Variants in MAD2L1 observed in about 807,000 individuals in gnomAD.
MAD2L1 encodes mitotic spindle assembly checkpoint protein MAD2A.
MAD2L1 carries 10 observed loss-of-function variants against 25.9 expected under a neutral mutation model. The ratio of observed to expected loss-of-function variants is 0.39; its 90% CI spans 0.24 to 0.66. The LOEUF (loss-of-function observed/expected upper bound fraction) is 0.66. Among genes scored for constraint, MAD2L1 ranks in the 30% least tolerant of loss-of-function variants. MAD2L1 has a pLI of 0.49. For missense variants in MAD2L1, 180 were observed against 246.4 expected, an observed-to-expected ratio of 0.73 and a Z score of 1.80; for synonymous variants, 81 against 91.8, an observed-to-expected ratio of 0.88 and a Z score of 0.67.
intron 2 of MAD2L1, among the ~76,000 whole-genome samples, chr4:120,064,347 T>C (rs982793303): frequency 3.9e-5 from 6 of 152,190 alleles, no homozygotes; most frequent in Non-Finnish European, 7.3e-5. Flanking sequence ...CAGAGGTCTA[T>C]TCCCACACCA....
intron 3 of MAD2L1, among the ~76,000 whole-genome samples, 200 bp downstream of exon 3, chr4:120,061,775 A>G (rs1040461685): frequency 2.0e-5 from 3 of 152,160 alleles, no homozygotes; most frequent in Admixed American, 6.5e-5. Flanking sequence ...TTAAAATTAT[A>G]TTATATATAC....
At position 120,059,820 on chromosome 4, in the gene MAD2L1, C is replaced by T. The variant is rs777973088; in HGVS notation, c.*298G>A. ...TTTAGGAAAGCATCTAGCTTTATAG[C>T]ACAAGTTTTTCCATCTACAGTTACT... On this transcript the variant is annotated 3_prime_UTR_variant, in exon 5 of 5. Transcript: ENST00000296509. 3.4e-5 allele frequency: 7 copies of T among 203,992 alleles called. No homozygotes were observed. Among genetic ancestry groups the T allele is most frequent in the Non-Finnish European group, 4.9e-5 (5 of 102,308 alleles). The allele number at this position is 203,992 out of a possible 1,614,324, so 12.6% of individuals were successfully genotyped here.
rs553393612 is a variant in MAD2L1, at chr4:120,062,122, T to C, written c.221-27A>G. ...TGCAACATATAAAAAGGAAGGCATC[T>C]TTCTTGGTCCACTGCATCATAAAGT... is the stretch of plus-strand genomic sequence containing the variant. On this transcript the variant is annotated intron_variant, in intron 2 of 4. Coordinates refer to ENST00000296509, the MANE Select transcript of MAD2L1 (RefSeq NM_002358.4). The C allele has an allele frequency of 1.9e-6, 3 of 1,598,264 alleles. No individual in the cohort carries two copies. In the Admixed American group the frequency reaches 5.3e-5, roughly 28 times the overall value.
Position 120,060,069 on chromosome 4 carries a change from G to A in MAD2L1, c.*49C>T. ...TCAACTATAGATGACTTGATTTCAGGAAAACCACATTTCAAAATTACAATT... is the reference window on the plus strand; with the variant it reads ...TCAACTATAGATGACTTGATTTCAGAAAAACCACATTTCAAAATTACAATT... On this transcript the variant is annotated 3_prime_UTR_variant, in exon 5 of 5. Transcript: ENST00000296509. The A allele has an allele frequency of 6.6e-7, 1 of 1,509,716 alleles. No homozygotes were observed. The highest frequency in any genetic ancestry group is 9.0e-7 in the Non-Finnish European group (1 of 1,108,118). The allele number at this position is 1,509,716 out of a possible 1,614,324, so 93.5% of individuals were successfully genotyped here. A position where few individuals can be genotyped will look rare whatever the true frequency, so the allele number is the denominator to read the frequency against.
At chr4:120,065,317 A>T (rs1327238541) in intron 2 of MAD2L1, 1 of 158,594 alleles carries the variant, frequency 6.3e-6, no homozygotes, top group Non-Finnish European at 1.4e-5. Context: ...GAAAATTAAT[A>T]CATTATATTG....
chr4:120,061,860 G>A, intron 3 of MAD2L1, 115 bp downstream of exon 3: 1 of 806,412 alleles, frequency 1.2e-6, no homozygotes. Flanking sequence ...ATATAAATTA[G>A]AAACAAACTA....
At chr4:120,066,586 C>CA in intron 1 of MAD2L1, 76 bp downstream of exon 1, 1 of 1,346,948 alleles carries the variant, frequency 7.4e-7, no homozygotes, top group Non-Finnish European at 1.0e-6. Context: ...TCTCTGGTAT[C>CA]AGAGGCCGAG....
At chr4:120,060,764 A>G (rs1363202419) in intron 4 of MAD2L1, 110 bp downstream of exon 4, 8 of 653,106 alleles carry the variant, frequency 1.2e-5, no homozygotes, top group African/African-American at 5.5e-5. Context: ...TTCAATTTAT[A>G]TTACATAAAT....
At chr4:120,062,470 G>A (rs1425446173) in intron 2 of MAD2L1, among the ~76,000 whole-genome samples, 1 of 152,208 alleles carries the variant, frequency 6.6e-6, no homozygotes, top group East Asian at 1.9e-4. Context: ...GAAAATTTGA[G>A]CCACTCAGGG....
Position 120,066,758 on chromosome 4 carries a change from C to A in MAD2L1, c.-24G>T. 4 of 1,568,622 alleles carry A rather than the reference C, an allele frequency of 2.6e-6. No individual in the cohort carries two copies. Among genetic ancestry groups the A allele is most frequent in the Non-Finnish European group, 3.5e-6 (4 of 1,143,854 alleles). Reference sequence around the variant, plus strand: ...ATGGCCAGGGACACAAACAAAAGCACGCGCTTCCACTCCGCGGACAGCAAC... The same window carrying A: ...ATGGCCAGGGACACAAACAAAAGCAAGCGCTTCCACTCCGCGGACAGCAAC... On this transcript the variant is annotated 5_prime_UTR_variant, in exon 1 of 5. Coordinates refer to ENST00000296509, the MANE Select transcript of MAD2L1 (RefSeq NM_002358.4).
rs1726205486 is a variant in MAD2L1, at chr4:120,060,970, T to C, written c.349A>G (p.Arg117Gly). The change falls in exon 4 of 5, where the codon AGA (arginine) becomes GGA (glycine). Residue 117 changes from arginine to glycine, a missense_variant. Coordinates refer to ENST00000296509, the MANE Select transcript of MAD2L1 (RefSeq NM_002358.4). ...DKTAKDDSAP[R>G]EKSQKAIQDE... ...TGGATAGCTTTCTGAGACTTTTCTC[T>C]GGGTGCACTGTCAAAAAAAAATCAA... is the stretch of plus-strand genomic sequence containing the variant. The C allele has an allele frequency of 2.5e-6, 4 of 1,598,354 alleles. No homozygotes were observed. Among genetic ancestry groups the C allele is most frequent in the Admixed American group, 1.7e-5 (1 of 59,706 alleles).
At chr4:120,062,174 A>G (rs1490602225) in intron 2 of MAD2L1, 79 bp from the exon 3 acceptor site, 11 of 1,348,952 alleles carry the variant, frequency 8.2e-6, no homozygotes, top group Admixed American at 4.7e-5. Flanking sequence ...CCCACTCCCT[A>G]TCCTCAGCAA....
At chr4:120,061,500 A>C (rs1726216450) in intron 3 of MAD2L1, among the ~76,000 whole-genome samples, 1 of 152,210 alleles carries the variant, frequency 6.6e-6, no homozygotes, top group South Asian at 2.1e-4. Flanking sequence ...CTCAGTTTAT[A>C]GAAGAGCATG....
chr4:120,062,590 G>A (rs1264794445), intron 2 of MAD2L1, among the ~76,000 whole-genome samples: 1 of 152,144 alleles, frequency 6.6e-6, no homozygotes, highest in Non-Finnish European at 1.5e-5. Context: ...AGCATATAGA[G>A]GGCTGGAAGC....
In MAD2L1 at chr4:120,058,455, C is replaced by A. The variant is rs1726148080; in HGVS notation, c.*1663G>T. 1 of 151,936 alleles carries A rather than the reference C, an allele frequency of 6.6e-6. No individual in the cohort carries two copies. Among genetic ancestry groups the A allele is most frequent in the Non-Finnish European group, 1.5e-5 (1 of 68,040 alleles). The allele number at this position is 151,936 out of a possible 1,614,324, so 9.4% of individuals were successfully genotyped here. A position where few individuals can be genotyped will look rare whatever the true frequency, so the allele number is the denominator to read the frequency against. On this transcript the variant is annotated 3_prime_UTR_variant, in exon 5 of 5. Coordinates refer to ENST00000296509, the MANE Select transcript of MAD2L1 (RefSeq NM_002358.4). ...GACTAGCCTGGCCAACATGGTGAAA[C>A]CCTCTCTCTACTAAAAATATAAAAA... is the stretch of plus-strand genomic sequence containing the variant.
At chr4:120,062,647 A>G (rs553532557) in intron 2 of MAD2L1, among the ~76,000 whole-genome samples, 20 of 152,308 alleles carry the variant, frequency 1.3e-4, no homozygotes, top group Admixed American at 9.8e-4. Flanking sequence ...AAATAAAACA[A>G]AGTAATCCTT....
rs1272910907 is a variant in MAD2L1, at chr4:120,058,851, AT to A, written c.*1266del. Reference sequence around the variant, plus strand: ...CAATATGTAATTTCTGAATGAACAGATTCAGACTATGTGCAATTACTTAAAA... The same window carrying A: ...CAATATGTAATTTCTGAATGAACAGATCAGACTATGTGCAATTACTTAAAA... On this transcript the variant is annotated 3_prime_UTR_variant, in exon 5 of 5. Transcript: ENST00000296509. 3.9e-5 allele frequency: 6 copies of A among 152,242 alleles called. No individual in the cohort carries two copies. The highest frequency in any genetic ancestry group is 7.3e-5 in the Non-Finnish European group (5 of 68,044). The allele number at this position is 152,242 out of a possible 1,614,324, so 9.4% of individuals were successfully genotyped here.
At chr4:120,066,176 T>G (rs1044114173) in intron 1 of MAD2L1, among the ~76,000 whole-genome samples, 3 of 152,266 alleles carry the variant, frequency 2.0e-5, no homozygotes, top group Non-Finnish European at 4.4e-5. Flanking sequence ...ATAGTCACTG[T>G]GCTCCAGACA....
chr4:120,063,030 G>A (rs1726251498), intron 2 of MAD2L1, among the ~76,000 whole-genome samples: 1 of 152,194 alleles, frequency 6.6e-6, no homozygotes, highest in Non-Finnish European at 1.5e-5. Flanking sequence ...ATTTCTGGCT[G>A]GACGGTTTAG....
Sources: gnomAD v4.1 joint callset for allele counts (sites outside exome capture counted in the v4.1 genomes callset) on GRCh38, gnomAD v4.1.1 for gene constraint, MANE v1.5 for transcripts, NCBI Gene and HGNC (gene_info 2026-07-23, HGNC 2026-07-21) for gene names.